EIF3J: variants seen among roughly 807,000 people sequenced by gnomAD.
EIF3J encodes eukaryotic translation initiation factor 3, subunit 1 (alpha, 35kD).
Under a neutral mutation model 39.0 loss-of-function variants are expected in EIF3J, and 15 were observed. That is an observed-to-expected ratio of 0.38 (90% confidence interval 0.26 to 0.59). The LOEUF is 0.59. Among genes scored for constraint, EIF3J ranks in the 20% least tolerant of loss-of-function variants. The pLI is 0.60. For missense variants in EIF3J, 226 were observed against 308.6 expected (o/e 0.73, Z 2.00); for synonymous variants, 98 against 112.9 (o/e 0.87, Z 0.84).
intron 2 of EIF3J, among the ~76,000 whole-genome samples, chr15:44,546,593 C>T (rs1273776860): frequency 6.6e-6 from 1 of 152,228 alleles, no homozygotes; most frequent in East Asian, 1.9e-4. Flanking sequence ...CTTTTGCCAT[C>T]TTGCCACTCA....
intron 2 of EIF3J, among the ~76,000 whole-genome samples, chr15:44,540,261 ATATATATT>A (rs1487622072): frequency 2.7e-3 from 158 of 57,824 alleles, no homozygotes; most frequent in East Asian, 0.019. Context: ...ATATATATAT[ATATATATT>A]TTTTTTTTTT....
At chr15:44,552,567 CTTT>C (rs200976026) in intron 4 of EIF3J, among the ~76,000 whole-genome samples, 1 of 141,442 alleles carries the variant, frequency 7.1e-6, no homozygotes. Context: ...CTTTTCTTTT[CTTT>C]TTTTTTTTTT....
At chr15:44,543,657 C>G (rs2082030010) in intron 2 of EIF3J, among the ~76,000 whole-genome samples, 1 of 152,154 alleles carries the variant, frequency 6.6e-6, no homozygotes, top group South Asian at 2.1e-4. Context: ...CGTGATCTGC[C>G]TGCCTTGGCC....
At chr15:44,544,842 A>G (rs1462011497) in intron 2 of EIF3J, among the ~76,000 whole-genome samples, 3 of 152,070 alleles carry the variant, frequency 2.0e-5, no homozygotes, top group Non-Finnish European at 4.4e-5. Context: ...GGTCTCTACT[A>G]AAAACACAAA....
At chr15:44,541,819 G>A (rs1245864996) in intron 2 of EIF3J, among the ~76,000 whole-genome samples, 1 of 152,166 alleles carries the variant, frequency 6.6e-6, no homozygotes, top group Admixed American at 6.6e-5. Context: ...CCAGTGACCA[G>A]TCTTGTCTCC....
chr15:44,550,144 G>T (rs2082087393), intron 2 of EIF3J, among the ~76,000 whole-genome samples: 1 of 152,166 alleles, frequency 6.6e-6, no homozygotes, highest in Non-Finnish European at 1.5e-5. Flanking sequence ...CTAAGGATTG[G>T]TAGAGAAGTA....
chr15:44,554,396 A>T (rs888059787), intron 4 of EIF3J, among the ~76,000 whole-genome samples, 157 bp from the exon 5 acceptor site: 1 of 151,730 alleles, frequency 6.6e-6, no homozygotes, highest in African/African-American at 2.4e-5. Context: ...AAAAAAAAAA[A>T]AAAACTAAAG....
chr15:44,541,870 A>C (rs1373553644), intron 2 of EIF3J, among the ~76,000 whole-genome samples: 1 of 152,252 alleles, frequency 6.6e-6, no homozygotes, highest in African/African-American at 2.4e-5. Context: ...ATTATTTTCA[A>C]GAAAATCTCA....
rs559737495 is a variant in EIF3J at position 44,537,347 on chromosome 15, G to T, written c.67G>T (p.Asp23Tyr). 2 of 1,566,558 alleles carry T rather than the reference G, an allele frequency of 1.3e-6. No homozygotes were observed. The highest frequency in any genetic ancestry group is 1.7e-6 in the Non-Finnish European group (2 of 1,155,526). Residue 23 changes from aspartate to tyrosine, a missense_variant, in exon 2 of 8, where the codon GAC becomes TAC. Asp to Tyr is a radical substitution (Grantham distance 160, BLOSUM62 -3). This residue lies in a region of EIF3J where 143 missense variants were observed against 156.0 expected (regional missense o/e 0.92). Transcript: ENST00000261868. Reference sequence around the variant, plus strand: ...AGACGCCGACGCTTTCTCCGTGGAAGACCCAGTGCGGAAGGTGGGGGGCGG... The same window carrying T: ...AGACGCCGACGCTTTCTCCGTGGAATACCCAGTGCGGAAGGTGGGGGGCGG... ...SWDADAFSVE[D>Y]PVRKVGGGGT... is the part of the protein sequence containing the mutation.
At chr15:44,540,937 A>G (rs2082009926) in intron 2 of EIF3J, among the ~76,000 whole-genome samples, 1 of 152,346 alleles carries the variant, frequency 6.6e-6, no homozygotes, top group South Asian at 2.1e-4. Context: ...TTGCTCCAGC[A>G]CTTTACTCTC....
intron 3 of EIF3J, among the ~76,000 whole-genome samples, chr15:44,551,228 A>G (rs572989772): frequency 1.3e-5 from 2 of 152,324 alleles, no homozygotes; most frequent in East Asian, 3.9e-4. Flanking sequence ...CGGTGGGGAA[A>G]TATGAAGAGA....
chr15:44,538,413 AT>A (rs144609088), intron 2 of EIF3J, among the ~76,000 whole-genome samples: 1,720 of 151,256 alleles, frequency 0.011, 24 homozygotes, highest in East Asian at 0.046. Context: ...ATGGAAAATG[AT>A]TTTTTTTTGT....
At chr15:44,537,511 G>T in intron 2 of EIF3J, 84 bp downstream of exon 2, 7 of 1,360,458 alleles carry the variant, frequency 5.1e-6, no homozygotes, top group African/African-American at 1.6e-5. Context: ...TCGCTGCCGG[G>T]GCCTGCGGGC....
intron 6 of EIF3J, chr15:44,559,107 T>C (rs921947016): frequency 3.9e-5 from 6 of 151,968 alleles, no homozygotes; most frequent in Admixed American, 2.0e-4. Flanking sequence ...GGTTTAAGAA[T>C]TGTCATTCTG....
chr15:44,549,764 C>CCA (rs1555444692), intron 2 of EIF3J, among the ~76,000 whole-genome samples: 5 of 11,470 alleles, frequency 4.4e-4, no homozygotes, highest in African/African-American at 1.3e-3. Context: ...GACTCCGTCT[C>CCA]AAAAAAAAAA....
intron 2 of EIF3J, among the ~76,000 whole-genome samples, chr15:44,547,207 G>C (rs2082060754): frequency 3.9e-5 from 6 of 151,932 alleles, no homozygotes; most frequent in South Asian, 4.2e-4. Flanking sequence ...GCAATGGCGC[G>C]ATCTCGGCTC....
intron 5 of EIF3J, among the ~76,000 whole-genome samples, chr15:44,556,913 G>T (rs1214841677): frequency 1.3e-5 from 2 of 152,042 alleles, no homozygotes; most frequent in African/African-American, 4.8e-5. Context: ...TTCCTCTTAG[G>T]CCTCCCAAAC....
At position 44,537,438 on chromosome 15, in the gene EIF3J, G is replaced by A. The variant is rs2081968295; in HGVS notation, c.147+11G>A. 2 of 1,534,860 alleles carry A rather than the reference G, an allele frequency of 1.3e-6. No individual in the cohort carries two copies. Among genetic ancestry groups the A allele is most frequent in the African/African-American group, 1.4e-5 (1 of 71,464 alleles). ...GACGAGGACGTCAAGGTGGGTGCGG[G>A]CTAGGGCGCCGGGCAGCGCGGAAGC... On this transcript the variant is annotated intron_variant, in intron 2 of 7. Transcript: ENST00000261868.
At chr15:44,540,213 A>G (rs1220696502) in intron 2 of EIF3J, among the ~76,000 whole-genome samples, 1 of 145,358 alleles carries the variant, frequency 6.9e-6, no homozygotes, top group Non-Finnish European at 1.5e-5. Context: ...CTGGGATTAC[A>G]GACGTGAGCC....
Sources: gnomAD v4.1 joint callset for allele counts (sites outside exome capture counted in the v4.1 genomes callset) on GRCh38, gnomAD v4.1.1 for gene constraint, gnomAD v4.1.1 regional missense constraint, MANE v1.5 for transcripts, NCBI Gene and HGNC (gene_info 2026-07-23, HGNC 2026-07-21) for gene names.